The following COL23A1 variants were observed in gnomAD, a reference collection of about 807,000 sequenced individuals.
COL23A1 encodes the protein collagen type XXIII alpha 1 chain.
COL23A1 carries 97 observed loss-of-function variants against 99.3 expected under a neutral mutation model. The ratio of observed to expected loss-of-function variants is 0.98; its 90% confidence interval spans 0.83 to 1.16. The LOEUF (loss-of-function observed/expected upper bound fraction) is 1.16, where lower values mean the gene tolerates loss of function less well. Among genes scored for constraint, COL23A1 ranks in the 50% most tolerant of loss-of-function variants. The pLI is 0.00. For missense variants in COL23A1, 762 were observed against 757.4 expected (o/e 1.01, Z -0.07); for synonymous variants, 320 against 308.2 (o/e 1.04, Z -0.40).
intron 2 of COL23A1, among the ~76,000 whole-genome samples, chr5:178,405,873 C>A (rs753362319): frequency 6.6e-6 from 1 of 151,934 alleles, no homozygotes; most frequent in Non-Finnish European, 1.5e-5. Context: ...GAGGTCAAGG[C>A]GGGTGGATCA....
At chr5:178,362,268 G>A (rs1281046437) in intron 2 of COL23A1, among the ~76,000 whole-genome samples, 1 of 152,132 alleles carries the variant, frequency 6.6e-6, no homozygotes, top group Non-Finnish European at 1.5e-5. Flanking sequence ...GGCTGAGTTT[G>A]GAGCCAGGCG....
intron 1 of COL23A1, among the ~76,000 whole-genome samples, chr5:178,576,357 C>T (rs542778270): frequency 6.6e-6 from 1 of 152,290 alleles, no homozygotes; most frequent in East Asian, 1.9e-4. Flanking sequence ...TCCTGCCTCA[C>T]CCTCCCAAGT....
At chr5:178,556,300 A>G (rs377375452) in intron 2 of COL23A1, among the ~76,000 whole-genome samples, 21 of 152,184 alleles carry the variant, frequency 1.4e-4, no homozygotes, top group Admixed American at 3.9e-4. Flanking sequence ...AAAAAAAAAG[A>G]AGGAGGAGGA....
At chr5:178,424,991 G>T (rs1765833847) in intron 2 of COL23A1, among the ~76,000 whole-genome samples, 1 of 152,242 alleles carries the variant, frequency 6.6e-6, no homozygotes, top group African/African-American at 2.4e-5. Flanking sequence ...CTGCCATCCA[G>T]TTCTGGAGGC....
chr5:178,508,106 C>T (rs933497992), intron 2 of COL23A1, among the ~76,000 whole-genome samples: 5 of 151,990 alleles, frequency 3.3e-5, no homozygotes, highest in Admixed American at 2.6e-4. Context: ...TTCCAGTTTA[C>T]TGATTCTTTT....
At chr5:178,375,387 C>T (rs546666178) in intron 2 of COL23A1, among the ~76,000 whole-genome samples, 2 of 152,344 alleles carry the variant, frequency 1.3e-5, no homozygotes, top group South Asian at 4.1e-4. Context: ...CCTCCAGGCA[C>T]CACCTTGCCC....
In COL23A1 at chr5:178,267,350, G is replaced by A. The variant is rs1023019698; in HGVS notation, c.496-17C>T. ...TGGTGCACCCTGGGAACAAAAGACAGGGAGAGGCATCACCACTGCTTTCAT... is the reference window on the plus strand; with the variant it reads ...TGGTGCACCCTGGGAACAAAAGACAAGGAGAGGCATCACCACTGCTTTCAT... On this transcript the variant is annotated splice_polypyrimidine_tract_variant and intron_variant, in intron 7 of 28. Transcript: ENST00000390654. 6.2e-7 allele frequency: 1 copy of A among 1,613,334 alleles called. No homozygotes were observed. Among genetic ancestry groups the A allele is most frequent in the Non-Finnish European group, 8.5e-7 (1 of 1,179,736 alleles).
At chr5:178,540,895 C>G (rs1398961855) in intron 2 of COL23A1, among the ~76,000 whole-genome samples, 1 of 152,040 alleles carries the variant, frequency 6.6e-6, no homozygotes, top group Non-Finnish European at 1.5e-5. Context: ...TCTCTGAACT[C>G]CAGCCTAGGT....
At position 178,358,280 on chromosome 5, in the gene COL23A1, A is replaced by T. The variant is rs1286968207; in HGVS notation, c.362-51361T>A. On this transcript the variant is annotated intron_variant, in intron 2 of 28. Coordinates refer to ENST00000390654, the MANE Select transcript of COL23A1 (RefSeq NM_173465.4). ...TATGTATATGTGTGTATATGTGTGT[A>T]TGCGTGTGCGTATATGTATGTATGT... Among the ~76,000 whole-genome samples the T allele has an allele frequency of 8.3e-5, 8 of 96,088 alleles. 1 individual carries two copies. The highest frequency in any genetic ancestry group is 1.5e-4 in the Non-Finnish European group (7 of 48,204). 63.0% of individuals were successfully genotyped at this position (96,088 alleles called of 152,430 possible).
chr5:178,283,991 C>T (rs1227556503), intron 5 of COL23A1, among the ~76,000 whole-genome samples: 3 of 152,214 alleles, frequency 2.0e-5, no homozygotes, highest in African/African-American at 7.2e-5. Context: ...ATGACACCCA[C>T]CAGATTTGTT....
intron 2 of COL23A1, among the ~76,000 whole-genome samples, chr5:178,523,195 T>TAGAGAG (rs1355046736): frequency 1.3e-5 from 1 of 78,866 alleles, no homozygotes; most frequent in Non-Finnish European, 2.9e-5. Flanking sequence ...TATATATATA[T>TAGAGAG]ATATATAGAG....
At chr5:178,325,951 A>T (rs1222700383) in intron 2 of COL23A1, among the ~76,000 whole-genome samples, 2 of 152,144 alleles carry the variant, frequency 1.3e-5, no homozygotes, top group Non-Finnish European at 2.9e-5. Context: ...ACCAAGGGTG[A>T]GCCGCCGGGG....
intron 2 of COL23A1, among the ~76,000 whole-genome samples, chr5:178,528,724 T>G (rs548355071): frequency 4.1e-4 from 63 of 152,336 alleles, no homozygotes; most frequent in African/African-American, 1.4e-3. Context: ...GCAGGAGAAT[T>G]GCCTGAACCC....
intron 27 of COL23A1, among the ~76,000 whole-genome samples, chr5:178,240,959 G>C (rs1764363447): frequency 6.6e-6 from 1 of 152,216 alleles, no homozygotes; most frequent in African/African-American, 2.4e-5. Context: ...AAAGGAACTA[G>C]GCAGGGCACA....
intron 1 of COL23A1, among the ~76,000 whole-genome samples, chr5:178,575,074 T>C (rs2113678803): frequency 6.6e-6 from 1 of 152,340 alleles, no homozygotes; most frequent in Non-Finnish European, 1.5e-5. Context: ...ACCTGTACTC[T>C]TAGGGTCAAG....
rs374868710 is a variant in COL23A1, at chr5:178,529,711, C to T, written c.361+30971G>A. Reference sequence around the variant, plus strand: ...GCACCGCTGACTTCACAGGCAGAAGCGCTCCCAGGCCTCTGTCTCCCCAGC... The same window carrying T: ...GCACCGCTGACTTCACAGGCAGAAGTGCTCCCAGGCCTCTGTCTCCCCAGC... On this transcript the variant is annotated intron_variant, in intron 2 of 28. Transcript: ENST00000390654. Among the ~76,000 whole-genome samples the T allele has an allele frequency of 4.2e-4, 64 of 152,212 alleles. No individual in the cohort carries two copies. The East Asian group carries it at 8.9e-3, about 21-fold the overall frequency.
intron 2 of COL23A1, among the ~76,000 whole-genome samples, chr5:178,420,730 G>C (rs1035171341): frequency 2.2e-5 from 3 of 135,296 alleles, no homozygotes; most frequent in Non-Finnish European, 4.7e-5. Flanking sequence ...TGTCCTTCGG[G>C]CTACAGCACA....
At chr5:178,493,576 C>G (rs1378248228) in intron 2 of COL23A1, among the ~76,000 whole-genome samples, 2 of 152,230 alleles carry the variant, frequency 1.3e-5, no homozygotes, top group East Asian at 3.9e-4. Context: ...CCTCTGAAGA[C>G]CAGCCCTCAA....
rs73346839 is a variant in COL23A1 at position 178,341,633 on chromosome 5, C to T, written c.362-34714G>A. Among the ~76,000 whole-genome samples, 874 of 152,286 alleles carry T rather than the reference C, an allele frequency of 5.7e-3. 5 individuals carry two copies. The highest frequency in any genetic ancestry group is 0.02 in the African/African-American group (838 of 41,564). Reference sequence around the variant, plus strand: ...GGTGAGGCTGGAAGAGGCTGGGGAGCCAGCACAGGGTCTCAGGTGTGGCCT... The same window carrying T: ...GGTGAGGCTGGAAGAGGCTGGGGAGTCAGCACAGGGTCTCAGGTGTGGCCT... On this transcript the variant is annotated intron_variant, in intron 2 of 28. Coordinates refer to ENST00000390654, the MANE Select transcript of COL23A1 (RefSeq NM_173465.4).
Sources: allele counts gnomAD v4.1 joint callset (sites outside exome capture counted in the v4.1 genomes callset), GRCh38; gene constraint gnomAD v4.1.1; transcripts MANE v1.5; gene names NCBI Gene and HGNC (gene_info 2026-07-23, HGNC 2026-07-21).